PRKN: variants seen among roughly 807,000 people sequenced by gnomAD.
The protein encoded by PRKN is E3 ubiquitin-protein ligase parkin.
In PRKN, 56 loss-of-function variants were observed where a neutral mutation model predicts 59.5. The ratio of observed to expected loss-of-function variants is 0.94; its 90% confidence interval spans 0.76 to 1.18. The LOEUF (loss-of-function observed/expected upper bound fraction) is 1.18, where lower values mean the gene tolerates loss of function less well. Among genes scored for constraint, PRKN ranks in the 50% most tolerant of loss-of-function variants. The pLI is 0.00. For missense variants in PRKN, 657 were observed against 596.4 expected, an observed-to-expected ratio of 1.10 and a Z score of -1.06; for synonymous variants, 250 against 222.1, an observed-to-expected ratio of 1.13 and a Z score of -1.12.
chr6:162,603,757 A>C (rs181600188), intron 1 of PRKN, among the ~76,000 whole-genome samples: 35 of 152,228 alleles, frequency 2.3e-4, no homozygotes, highest in African/African-American at 7.7e-4. Flanking sequence ...TGCTTGAGAG[A>C]GTAGAGCACG....
chr6:161,733,176 T>C (rs1046084361), intron 7 of PRKN, among the ~76,000 whole-genome samples: 4 of 152,200 alleles, frequency 2.6e-5, no homozygotes, highest in African/African-American at 7.2e-5. Flanking sequence ...AGGAAAAATA[T>C]GTCCAAATTT....
chr6:161,756,581 T>C (rs1230387574), intron 7 of PRKN, among the ~76,000 whole-genome samples: 1 of 151,410 alleles, frequency 6.6e-6, no homozygotes, highest in Non-Finnish European at 1.5e-5. Context: ...TCTTCTTTCC[T>C]TCTCTCTCTC....
chr6:161,436,745 T>C (rs1406627215), intron 9 of PRKN, among the ~76,000 whole-genome samples: 1 of 152,072 alleles, frequency 6.6e-6, no homozygotes, highest in Non-Finnish European at 1.5e-5. Context: ...ACAGGCCACC[T>C]GGATTAAGAG....
rs1004744431 is a variant in PRKN, at chr6:161,562,798, G to A, written c.933+6557C>T. ...TCAAGATTCACTTCTTTTTGTCTCC[G>A]CTGCCAACTGTCTTAATCCAGAGCC... On this transcript the variant is annotated intron_variant, in intron 8 of 11. Coordinates refer to ENST00000366898, the MANE Select transcript of PRKN (RefSeq NM_004562.3). This position sits in a 1 kb window ranked among gnomAD's most constrained non-coding sequence, Gnocchi z 4.3. Among the ~76,000 whole-genome samples the A allele has an allele frequency of 3.3e-5, 5 of 152,096 alleles. No homozygotes were observed. The highest frequency in any genetic ancestry group is 2.1e-4 in the South Asian group (1 of 4,828).
At position 161,502,519 on chromosome 6, in the gene PRKN, A is replaced by G. The variant is rs1778000319; in HGVS notation, c.1083+46335T>C. On this transcript the variant is annotated intron_variant, in intron 9 of 11. Transcript: ENST00000366898. This position sits in a 1 kb window ranked among gnomAD's most constrained non-coding sequence, Gnocchi z 4.0. ...AAGCAACATCCCGACTCTGGAATCC[A>G]TTCCCACATTTAAAAAATGGGATAA... 6.6e-6 allele frequency among the ~76,000 whole-genome samples: 1 copy of G among 152,106 alleles called. No individual in the cohort carries two copies. Among genetic ancestry groups the G allele is most frequent in the South Asian group, 2.1e-4 (1 of 4,820 alleles).
chr6:162,143,905 A>C (rs1379052302), intron 4 of PRKN, among the ~76,000 whole-genome samples: 1 of 152,192 alleles, frequency 6.6e-6, no homozygotes, highest in African/African-American at 2.4e-5. Flanking sequence ...GAGTAATTAG[A>C]TATTTCTGAA....
At chr6:162,187,096 C>T (rs1253733974) in intron 4 of PRKN, among the ~76,000 whole-genome samples, 1 of 152,076 alleles carries the variant, frequency 6.6e-6, no homozygotes, top group African/African-American at 2.4e-5. Flanking sequence ...TATGAGAATG[C>T]CCAATGGAAA....
chr6:162,019,921 G>A (rs1166065435), intron 5 of PRKN, among the ~76,000 whole-genome samples: 3 of 151,966 alleles, frequency 2.0e-5, no homozygotes, highest in Non-Finnish European at 4.4e-5. Context: ...CAGGAGGCTG[G>A]GGCAGGAGAA....
chr6:161,835,618 G>C (rs914692931), intron 6 of PRKN, among the ~76,000 whole-genome samples: 1 of 152,176 alleles, frequency 6.6e-6, no homozygotes, highest in Admixed American at 6.5e-5. Flanking sequence ...TTTCCACGCC[G>C]GGGATAGGCG....
intron 1 of PRKN, among the ~76,000 whole-genome samples, chr6:162,567,392 A>C (rs147090641): frequency 1.3e-5 from 2 of 152,336 alleles, no homozygotes; most frequent in Non-Finnish European, 2.9e-5. Context: ...ACAAGAAACC[A>C]TTAGAACTGA....
intron 1 of PRKN, among the ~76,000 whole-genome samples, chr6:162,654,845 TG>T (rs10716995): frequency 0.79 from 119,801 of 151,776 alleles, 47,479 homozygotes; most frequent in East Asian, 0.95. Context: ...CAGAGTGAAG[TG>T]GGGGGGGAAA....
chr6:162,205,992 T>G (rs528904080), intron 3 of PRKN, among the ~76,000 whole-genome samples: 8 of 152,228 alleles, frequency 5.3e-5, no homozygotes, highest in Non-Finnish European at 1.0e-4. Context: ...AAACAGCTTG[T>G]TTTAATCTGT....
In PRKN at chr6:161,369,667, G is replaced by A. The variant is rs565135999; in HGVS notation, c.1168-9462C>T. 1.2e-4 allele frequency among the ~76,000 whole-genome samples: 18 copies of A among 152,168 alleles called. No homozygotes were observed. The highest frequency in any genetic ancestry group is 3.6e-4 in the African/African-American group (15 of 41,500). On this transcript the variant is annotated intron_variant, in intron 10 of 11. Coordinates refer to ENST00000366898, the MANE Select transcript of PRKN (RefSeq NM_004562.3). The surrounding 1 kb of genome is among the most constrained non-coding windows in gnomAD (Gnocchi z 5.8). The stretch of plus-strand genomic sequence containing the variant: ...GAATTGCATGCATGCATGTGTGTAC[G>A]CACGCGTGGTGGAGGTGGGGGTGGA...
intron 7 of PRKN, among the ~76,000 whole-genome samples, chr6:161,728,839 A>G (rs537810568): frequency 7.2e-5 from 11 of 152,314 alleles, no homozygotes; most frequent in African/African-American, 2.4e-4. Context: ...CAGGAGCCTA[A>G]TAGCAGGAAC....
chr6:162,151,919 C>T lies in PRKN; in HGVS notation c.534+49212G>A, dbSNP rs540536019. Among the ~76,000 whole-genome samples the T allele has an allele frequency of 9.2e-5, 14 of 152,110 alleles. No homozygotes were observed. The East Asian group carries it at 2.7e-3, about 29-fold the overall frequency. ...TTACACTGATTATTTTACTAAAACA[C>T]AAACATAGAAAGTGCTTGTGAAAAA... On this transcript the variant is annotated intron_variant, in intron 4 of 11. Transcript: ENST00000366898.
intron 3 of PRKN, among the ~76,000 whole-genome samples, chr6:162,245,542 T>C (rs915143512): frequency 6.6e-6 from 1 of 152,002 alleles, no homozygotes; most frequent in Non-Finnish European, 1.5e-5. Flanking sequence ...ACAGCTATTT[T>C]ACCTTACTGG....
intron 5 of PRKN, among the ~76,000 whole-genome samples, chr6:162,004,045 TG>T (rs1782158617): frequency 6.6e-6 from 1 of 152,182 alleles, no homozygotes; most frequent in African/African-American, 2.4e-5. Context: ...CTGAAAAAGC[TG>T]GGATTTGGTT....
chr6:162,305,060 T>C (rs1416567504), intron 2 of PRKN, among the ~76,000 whole-genome samples: 2 of 152,170 alleles, frequency 1.3e-5, no homozygotes, highest in African/African-American at 4.8e-5. Flanking sequence ...AAGCACCAAG[T>C]TATGTATTAC....
At position 161,576,968 on chromosome 6, in the gene PRKN, C is replaced by T. The variant is rs1337491052; in HGVS notation, c.872-7552G>A. Among the ~76,000 whole-genome samples the T allele has an allele frequency of 7.2e-5, 11 of 152,136 alleles. No individual in the cohort carries two copies. Among genetic ancestry groups the T allele is most frequent in the South Asian group, 2.1e-4 (1 of 4,810 alleles). Reference sequence around the variant, plus strand: ...GAATCTATTAAACAATGTCGATGCACGCAAATATACTAAGAATATAAAATA... The same window carrying T: ...GAATCTATTAAACAATGTCGATGCATGCAAATATACTAAGAATATAAAATA... On this transcript the variant is annotated intron_variant, in intron 7 of 11. Transcript: ENST00000366898. This position sits in a 1 kb window ranked among gnomAD's most constrained non-coding sequence, Gnocchi z 4.6.
Sources: allele counts gnomAD v4.1 joint callset (sites outside exome capture counted in the v4.1 genomes callset), GRCh38; gene constraint gnomAD v4.1.1; non-coding constraint Gnocchi (gnomAD v3.1); transcripts MANE v1.5; gene names NCBI Gene and HGNC (gene_info 2026-07-23, HGNC 2026-07-21).